Variants in MED15 observed in about 807,000 individuals in gnomAD.
The protein encoded by MED15 is mediator complex subunit 15, also known as mediator of RNA polymerase II transcription subunit 15.
In MED15, 41 loss-of-function variants were observed where a neutral mutation model predicts 118.7. That is an observed-to-expected ratio of 0.35 (90% CI 0.27 to 0.45). The LOEUF (loss-of-function observed/expected upper bound fraction) is 0.45. Among genes scored for constraint, MED15 ranks in the 20% least tolerant of loss-of-function variants. MED15 has a pLI of 1.00. For synonymous variants in MED15, 436 were observed against 413.9 expected (o/e 1.05, Z -0.65); for missense variants, 740 against 1,025.5 (o/e 0.72, Z 3.80).
intron 9 of MED15, chr22:20,582,388 G>A: frequency 4.5e-6 from 3 of 662,572 alleles, no homozygotes; most frequent in Non-Finnish European, 7.5e-6. Flanking sequence ...AGGAGCAAGG[G>A]CTGCCCTGCC....
At chr22:20,562,354 A>G (rs1034487609) in intron 5 of MED15, among the ~76,000 whole-genome samples, 2 of 152,126 alleles carry the variant, frequency 1.3e-5, no homozygotes, top group African/African-American at 4.8e-5. Flanking sequence ...AGCTTCAACA[A>G]TTTCAGAAAA....
chr22:20,580,690 T>C (rs1457824720), intron 9 of MED15, among the ~76,000 whole-genome samples: 2 of 152,170 alleles, frequency 1.3e-5, no homozygotes, highest in Non-Finnish European at 2.9e-5. Flanking sequence ...TGGGATTTTG[T>C]TGACACCTGG....
intron 9 of MED15, among the ~76,000 whole-genome samples, chr22:20,575,692 C>T (rs574922522): frequency 4.0e-5 from 6 of 150,696 alleles, no homozygotes; most frequent in South Asian, 2.1e-4. Flanking sequence ...GTTCACATAG[C>T]GACATACTAT....
At chr22:20,530,780 C>T (rs2054829582) in intron 1 of MED15, among the ~76,000 whole-genome samples, 1 of 152,088 alleles carries the variant, frequency 6.6e-6, no homozygotes. Flanking sequence ...TGGAGCTGGC[C>T]TCAGGGTACA....
intron 8 of MED15, among the ~76,000 whole-genome samples, chr22:20,570,715 T>G (rs2056618243): frequency 6.6e-6 from 1 of 150,408 alleles, no homozygotes; most frequent in Non-Finnish European, 1.5e-5. Context: ...TCTTCTCTTT[T>G]TTCTCTTTTC....
At chr22:20,537,239 G>A (rs1046313472) in intron 2 of MED15, 35 bp downstream of exon 2, 1 of 1,577,178 alleles carries the variant, frequency 6.3e-7, no homozygotes, top group African/African-American at 1.3e-5. Context: ...CTCTGGCAGA[G>A]AGACTTGGAG....
chr22:20,585,649 G>A lies in MED15; in HGVS notation c.2132-79G>A, dbSNP rs529017380. 5.2e-6 allele frequency: 7 copies of A among 1,338,582 alleles called. No individual in the cohort carries two copies. In the African/African-American group the frequency reaches 1.0e-4, roughly 19 times the overall value. The allele number at this position is 1,338,582 out of a possible 1,614,324, so 82.9% of individuals were successfully genotyped here. A position where few individuals can be genotyped will look rare whatever the true frequency, so the allele number is the denominator to read the frequency against. ...TCACCAGAACCTCCCTGGGTGTGGA[G>A]TCCTGTTCCAGAGCAGGGCTGTGAG... On this transcript the variant is annotated intron_variant, in intron 16 of 17. Transcript: ENST00000263205.
chr22:20,564,383 G>A, intron 5 of MED15, 67 bp from the exon 6 acceptor site: 1 of 1,590,432 alleles, frequency 6.3e-7, no homozygotes, highest in East Asian at 2.2e-5. Flanking sequence ...GTCCCTTGCT[G>A]TGCAGCCCTG....
chr22:20,581,530 T>C (rs990343743), intron 9 of MED15, among the ~76,000 whole-genome samples: 1 of 152,052 alleles, frequency 6.6e-6, no homozygotes, highest in Non-Finnish European at 1.5e-5. Context: ...AGGCAGACTG[T>C]GAGGGGATGC....
chr22:20,525,330 T>G (rs1178935949), intron 1 of MED15, among the ~76,000 whole-genome samples: 1 of 151,538 alleles, frequency 6.6e-6, no homozygotes, highest in African/African-American at 2.4e-5. Flanking sequence ...GTTTTTTTTT[T>G]GACATAGTTT....
At chr22:20,578,919 T>G (rs2056898674) in intron 9 of MED15, among the ~76,000 whole-genome samples, 1 of 152,224 alleles carries the variant, frequency 6.6e-6, no homozygotes, top group African/African-American at 2.4e-5. Flanking sequence ...CCCTCTGTCT[T>G]GACGGCTCAT....
Position 20,566,586 on chromosome 22 carries a change from TCAG to T in MED15, c.815_817del (p.Gln272del). ...AGGCTTTGCAGGCCCAGCCACCAAT[TCAG>T]CAGCCACCGATGCAGCAGCCACAGC... is the stretch of plus-strand genomic sequence containing the variant. On this transcript the variant is annotated inframe_deletion, in exon 7 of 18. Coordinates refer to ENST00000263205, the MANE Select transcript of MED15 (RefSeq NM_001003891.3). The T allele has an allele frequency of 1.2e-6, 2 of 1,613,442 alleles. No individual in the cohort carries two copies. The highest frequency in any genetic ancestry group is 1.1e-5 in the South Asian group (1 of 91,034).
rs56307139 is a variant in MED15 at position 20,545,473 on chromosome 22, C to CAAAAAAAAAAAAAA, written c.157-5956_157-5943dup. On this transcript the variant is annotated intron_variant, in intron 2 of 17. Coordinates refer to ENST00000263205, the MANE Select transcript of MED15 (RefSeq NM_001003891.3). Reference sequence around the variant, plus strand: ...TGTGTGACAGAGCGAGACTCCACCTCAAAAAAAAAAAAAAAAAAAAGAAAC... The same window carrying CAAAAAAAAAAAAAA: ...TGTGTGACAGAGCGAGACTCCACCTCAAAAAAAAAAAAAAAAAAAAAAAAAAAAAAAAAAGAAAC... 4.4e-5 allele frequency among the ~76,000 whole-genome samples: 4 copies of CAAAAAAAAAAAAAA among 90,114 alleles called. No individual in the cohort carries two copies. The East Asian group carries it at 9.4e-4, about 21-fold the overall frequency. 59.1% of individuals were successfully genotyped at this position (90,114 alleles called of 152,430 possible).
Position 20,586,675 on chromosome 22 carries a change from G to A in MED15, c.2338G>A (p.Val780Ile), listed in dbSNP as rs148544638. Residue 780 changes from valine to isoleucine, a missense_variant, in exon 18 of 18, where the codon GTC becomes ATC. Val to Ile is a conservative substitution (Grantham distance 29). Around this residue, in one of 7 missense-constraint regions of MED15, gnomAD observed 179 missense variants for 259.0 expected, o/e 0.69. Transcript: ENST00000263205. ...CTTGCTCAACACCTGGGCCCAGAGC[G>A]TCCACCAGGCCTGCCTCTCAGCCGC... is the stretch of plus-strand genomic sequence containing the variant. ...TALLNTWAQS[V>I]HQACLSAA 155 of 1,612,734 alleles carry A rather than the reference G, an allele frequency of 9.6e-5. No individual in the cohort carries two copies. In the Admixed American group the frequency reaches 1.0e-3, roughly 11 times the overall value.
At chr22:20,557,154 C>CT (rs1302740325) in intron 5 of MED15, among the ~76,000 whole-genome samples, 1 of 152,192 alleles carries the variant, frequency 6.6e-6, no homozygotes, top group African/African-American at 2.4e-5. Context: ...ATCGCCCCCT[C>CT]TGCTTTGTCA....
intron 13 of MED15, chr22:20,584,024 C>T (rs2057064585): frequency 2.8e-6 from 1 of 361,492 alleles, no homozygotes; most frequent in Non-Finnish European, 5.2e-6. Context: ...ATTGGGTGGT[C>T]CTCCAGGTCT....
intron 1 of MED15, among the ~76,000 whole-genome samples, chr22:20,515,960 G>T: frequency 6.6e-6 from 1 of 151,694 alleles, no homozygotes; most frequent in East Asian, 1.9e-4. Flanking sequence ...TCAAGATCAC[G>T]CCACTTCACT....
chr22:20,513,092 G>A (rs1461660219), intron 1 of MED15, among the ~76,000 whole-genome samples: 7 of 151,766 alleles, frequency 4.6e-5, no homozygotes, highest in Admixed American at 4.6e-4. Flanking sequence ...TTTTTTAAGA[G>A]ACAGGGTCTT....
rs184651027 is a variant in MED15 at position 20,517,466 on chromosome 22, C to T, written c.68+9720C>T. ...AAGATCCTTCCTTTTCGTGGCTGAG[C>T]AGTGCAGCCGTTCTCCAAGGAGACT... On this transcript the variant is annotated intron_variant, in intron 1 of 17. Transcript: ENST00000263205. 2.0e-4 allele frequency among the ~76,000 whole-genome samples: 31 copies of T among 152,262 alleles called. 1 individual carries two copies. Among genetic ancestry groups the T allele is most frequent in the African/African-American group, 7.2e-4 (30 of 41,544 alleles).
Sources: gnomAD v4.1 joint callset for allele counts (sites outside exome capture counted in the v4.1 genomes callset) on GRCh38, gnomAD v4.1.1 for gene constraint, gnomAD v4.1.1 regional missense constraint, MANE v1.5 for transcripts, NCBI Gene and HGNC (gene_info 2026-07-23, HGNC 2026-07-21) for gene names.